DOCK4: variants seen among roughly 807,000 people sequenced by gnomAD.
The protein encoded by DOCK4 is dedicator of cytokinesis protein 4.
In DOCK4, 97 loss-of-function variants were observed where a neutral mutation model predicts 268.1. The observed-to-expected ratio is 0.36, with a 90% confidence interval of 0.31 to 0.43. The LOEUF (loss-of-function observed/expected upper bound fraction) is 0.43, where lower values mean the gene tolerates loss of function less well. DOCK4 is among the 20% of genes least tolerant of loss of function. The pLI is 1.00. For missense variants in DOCK4, 2,145 were observed against 2,455.7 expected (o/e 0.87, Z 2.67); for synonymous variants, 954 against 887.2 (o/e 1.08, Z -1.34).
At chr7:111,935,298 G>C (rs1794640543) in intron 12 of DOCK4, 3 of 517,376 alleles carry the variant, frequency 5.8e-6, no homozygotes, top group Admixed American at 2.8e-5. Context: ...TGGTACCAAA[G>C]AACAAATTCA....
intron 8 of DOCK4, among the ~76,000 whole-genome samples, chr7:111,948,313 A>G (rs1401417317): frequency 6.6e-6 from 1 of 152,174 alleles, no homozygotes; most frequent in South Asian, 2.1e-4. Context: ...ATTCTATTCC[A>G]TGTATTAATT....
intron 1 of DOCK4, among the ~76,000 whole-genome samples, chr7:112,185,978 T>C (rs934743810): frequency 3.9e-5 from 6 of 152,242 alleles, no homozygotes; most frequent in Admixed American, 1.3e-4. Context: ...CCCTGCCTTC[T>C]GGAAGCACAC....
chr7:112,133,294 T>C (rs1043869173), intron 1 of DOCK4, among the ~76,000 whole-genome samples: 1 of 152,162 alleles, frequency 6.6e-6, no homozygotes, highest in African/African-American at 2.4e-5. Context: ...CCAGGGCTGA[T>C]CGAGAGAGAA....
chr7:111,817,978 T>C (rs150096956), intron 27 of DOCK4, among the ~76,000 whole-genome samples: 25 of 152,314 alleles, frequency 1.6e-4, no homozygotes, highest in African/African-American at 5.5e-4. Context: ...TGGGACCAAT[T>C]GTCTGTCCAC....
chr7:111,974,346 A>AT (rs947943641), intron 8 of DOCK4, among the ~76,000 whole-genome samples: 2 of 151,830 alleles, frequency 1.3e-5, no homozygotes, highest in African/African-American at 4.8e-5. Flanking sequence ...ATACTTATTC[A>AT]TTTTTTTGCC....
At chr7:111,802,109 C>G (rs1335629944) in intron 30 of DOCK4, among the ~76,000 whole-genome samples, 1 of 152,178 alleles carries the variant, frequency 6.6e-6, no homozygotes, top group Admixed American at 6.5e-5. Context: ...TAACTAGCAG[C>G]TAGCATTTGC....
At chr7:111,831,181 C>T (rs1413522026) in intron 26 of DOCK4, among the ~76,000 whole-genome samples, 1 of 152,126 alleles carries the variant, frequency 6.6e-6, no homozygotes. Flanking sequence ...ACCTTTGCTC[C>T]CAAACCTGAA....
intron 1 of DOCK4, among the ~76,000 whole-genome samples, chr7:112,044,184 C>A (rs1170121340): frequency 2.6e-5 from 4 of 152,108 alleles, no homozygotes; most frequent in Non-Finnish European, 5.9e-5. Flanking sequence ...GAAGTTTGTT[C>A]CAGAGTCTGT....
At chr7:112,064,077 C>T (rs989796843) in intron 1 of DOCK4, among the ~76,000 whole-genome samples, 1 of 152,126 alleles carries the variant, frequency 6.6e-6, no homozygotes, top group Non-Finnish European at 1.5e-5. Context: ...AGGAACCAAG[C>T]CAGGTTCAAG....
chr7:112,108,027 C>A, intron 1 of DOCK4, among the ~76,000 whole-genome samples: 1 of 152,144 alleles, frequency 6.6e-6, no homozygotes, highest in Non-Finnish European at 1.5e-5. Context: ...ATGGACAGTA[C>A]CTTATAGAGA....
chr7:111,896,185 CA>C, intron 15 of DOCK4, among the ~76,000 whole-genome samples: 1 of 152,262 alleles, frequency 6.6e-6, no homozygotes, highest in Middle Eastern at 3.4e-3. Context: ...TGGTCCATGA[CA>C]GAACTTCTTT....
chr7:111,940,091 C>T lies in DOCK4; in HGVS notation c.977+19G>A, dbSNP rs1795084854. On this transcript the variant is annotated intron_variant, in intron 11 of 52. Coordinates refer to ENST00000428084, the MANE Select transcript of DOCK4 (RefSeq NM_001363540.2). The stretch of plus-strand genomic sequence containing the variant: ...ACCCCTGTGCCTACCCCAGCCATCA[C>T]CACGTGCATGTTTCTTACATGTATA... 2 of 1,613,804 alleles carry T rather than the reference C, an allele frequency of 1.2e-6. No homozygotes were observed. The highest frequency in any genetic ancestry group is 4.5e-5 in the East Asian group (2 of 44,878).
At chr7:111,783,241 G>A (rs1798910949) in intron 34 of DOCK4, among the ~76,000 whole-genome samples, 1 of 152,120 alleles carries the variant, frequency 6.6e-6, no homozygotes, top group Non-Finnish European at 1.5e-5. Flanking sequence ...GAGTGAAAAT[G>A]TGTTATTGTA....
At chr7:112,086,304 C>T (rs6948278) in intron 1 of DOCK4, among the ~76,000 whole-genome samples, 8,211 of 152,106 alleles carry the variant, frequency 0.054, 725 homozygotes, top group African/African-American at 0.18. Flanking sequence ...AATATAGGGA[C>T]CATAAGTCGT....
chr7:112,179,243 C>T (rs559648613), intron 1 of DOCK4, among the ~76,000 whole-genome samples: 46 of 151,832 alleles, frequency 3.0e-4, no homozygotes, highest in Admixed American at 4.6e-4. Context: ...AAAATTTTCC[C>T]GGTGTGGTGG....
At chr7:111,867,574 C>G (rs1394101150) in intron 22 of DOCK4, among the ~76,000 whole-genome samples, 4 of 152,186 alleles carry the variant, frequency 2.6e-5, no homozygotes, top group Non-Finnish European at 5.9e-5. Context: ...AAACAACATG[C>G]AGCTTAGCTG....
intron 17 of DOCK4, 127 bp from the exon 18 acceptor site, chr7:111,872,691 G>C: frequency 1.5e-6 from 1 of 682,572 alleles, no homozygotes; most frequent in Non-Finnish European, 2.4e-6. Flanking sequence ...TCAAGTTGCA[G>C]GCTCCCACAA....
chr7:111,823,396 C>T (rs931705222), intron 26 of DOCK4, among the ~76,000 whole-genome samples: 5 of 151,594 alleles, frequency 3.3e-5, no homozygotes, highest in South Asian at 2.1e-4. Flanking sequence ...TTAGTAGAGA[C>T]GGGGTTTCAC....
In DOCK4 at chr7:111,788,548, T is replaced by A. The variant is rs1799326052; in HGVS notation, c.3401+114A>T. On this transcript the variant is annotated intron_variant, in intron 32 of 52. Transcript: ENST00000428084. ...TTCACACTCCACAAAGACAAAGCCC[T>A]CCTGTGAGACCTAAGCTGTCTTTGC... 7.4e-6 allele frequency: 6 copies of A among 809,696 alleles called. No individual in the cohort carries two copies. The East Asian group carries it at 1.6e-4, about 22-fold the overall frequency. 50.2% of individuals were successfully genotyped at this position (809,696 alleles called of 1,614,324 possible). A position where few individuals can be genotyped will look rare whatever the true frequency, so the allele number is the denominator to read the frequency against.
Sources: allele counts gnomAD v4.1 joint callset (sites outside exome capture counted in the v4.1 genomes callset), GRCh38; gene constraint gnomAD v4.1.1; transcripts MANE v1.5; gene names NCBI Gene and HGNC (gene_info 2026-07-23, HGNC 2026-07-21).